ANKS1A: variants seen among roughly 807,000 people sequenced by gnomAD.
The protein encoded by ANKS1A is ankyrin repeat and SAM domain-containing protein 1A.
In ANKS1A, 55 loss-of-function variants were observed where a neutral mutation model predicts 120.3. The ratio of observed to expected loss-of-function variants is 0.46; its 90% CI spans 0.37 to 0.57. ANKS1A has a LOEUF of 0.57. Among genes scored for constraint, ANKS1A ranks in the 20% least tolerant of loss-of-function variants. The pLI is 0.00. For missense variants in ANKS1A, 1,123 were observed against 1,480.3 expected, an observed-to-expected ratio of 0.76 and a Z score of 3.96; for synonymous variants, 590 against 604.7, an observed-to-expected ratio of 0.98 and a Z score of 0.36.
intron 1 of ANKS1A, among the ~76,000 whole-genome samples, chr6:34,905,245 A>G (rs534657865): frequency 1.3e-5 from 2 of 152,322 alleles, no homozygotes; most frequent in Admixed American, 1.3e-4. Flanking sequence ...CATCATGCTC[A>G]CCACTCTTCC....
At chr6:35,053,153 C>T (rs1348956682) in intron 11 of ANKS1A, among the ~76,000 whole-genome samples, 1 of 152,346 alleles carries the variant, frequency 6.6e-6, no homozygotes, top group East Asian at 1.9e-4. Flanking sequence ...AAAAAGCATC[C>T]AAGCCCTGGT....
At chr6:35,097,653 A>C in the ANKS1A span, among the ~76,000 whole-genome samples, 2 of 143,950 alleles carry the variant, frequency 1.4e-5, no homozygotes, top group South Asian at 4.3e-4. Flanking sequence ...AAAAAAAAAA[A>C]AAAAACACAT....
At chr6:34,894,818 T>C (rs1766993158) in intron 1 of ANKS1A, among the ~76,000 whole-genome samples, 1 of 152,096 alleles carries the variant, frequency 6.6e-6, no homozygotes, top group Non-Finnish European at 1.5e-5. Flanking sequence ...AAGATCACAG[T>C]TGAGGAGATT....
At position 35,017,779 on chromosome 6, in the gene ANKS1A, G is replaced by A. The variant is rs1403842941; in HGVS notation, c.1730G>A (p.Ser577Asn). 1.9e-6 allele frequency: 3 copies of A among 1,614,136 alleles called. No homozygotes were observed. Residue 577 changes from serine (S) to asparagine (N), a missense_variant, in exon 11 of 24, where the codon AGC (serine) becomes AAC (asparagine). By Grantham distance (46) the Ser-to-Asn change is conservative. Transcript: ENST00000360359. The part of the protein sequence containing the change: ...GYLTGLPTTN[S>N]RSHPETLTHT... ...CTCACAGGCCTGCCCACCACCAACA[G>A]CCGCTCGCACCCTGAAACTTTGACT...
At chr6:35,011,515 A>C (rs1185313830) in intron 10 of ANKS1A, among the ~76,000 whole-genome samples, 1 of 152,180 alleles carries the variant, frequency 6.6e-6, no homozygotes. Context: ...TGAGGTAATC[A>C]AGACCAAGTC....
chr6:35,078,984 C>G lies in ANKS1A; in HGVS notation c.2283+328C>G, dbSNP rs571552261. On this transcript the variant is annotated intron_variant, in intron 14 of 23. Transcript: ENST00000360359. Reference sequence around the variant, plus strand: ...TCACCCAGAGCCCCCTTCATGGTCTCTCTGGCTCACTGGAGCCCTGGCCAG... The same window carrying G: ...TCACCCAGAGCCCCCTTCATGGTCTGTCTGGCTCACTGGAGCCCTGGCCAG... 1.2e-3 allele frequency among the ~76,000 whole-genome samples: 176 copies of G among 152,302 alleles called. 1 individual carries two copies. The highest frequency in any genetic ancestry group is 4.1e-3 in the African/African-American group (169 of 41,588).
chr6:35,090,451 C>G lies in ANKS1A; in HGVS notation c.*1842C>G. The G allele has an allele frequency of 8.5e-7, 1 of 1,172,638 alleles. No homozygotes were observed. The highest frequency in any genetic ancestry group is 1.1e-6 in the Non-Finnish European group (1 of 932,320). The allele number at this position is 1,172,638 out of a possible 1,614,324, so 72.6% of individuals were successfully genotyped here. ...ACCGCAGACACTACGATGCACTCCT[C>G]AAGCTGTCTTTTGTGCTTAGATCAT... On this transcript the variant is annotated 3_prime_UTR_variant, in exon 24 of 24. Coordinates refer to ENST00000360359, the MANE Select transcript of ANKS1A (RefSeq NM_015245.3).
In ANKS1A at chr6:34,889,991, C is replaced by A. The variant is rs891255656; in HGVS notation, c.197+392C>A. Among the ~76,000 whole-genome samples, 2 of 152,134 alleles carry A rather than the reference C, an allele frequency of 1.3e-5. No individual in the cohort carries two copies. The highest frequency in any genetic ancestry group is 4.8e-5 in the African/African-American group (2 of 41,420). ...TCTCCCTCACCTCCTGCAGAAACTCCTACGCCTTGTAGAATCTCGAGGCTC... is the reference window on the plus strand; with the variant it reads ...TCTCCCTCACCTCCTGCAGAAACTCATACGCCTTGTAGAATCTCGAGGCTC... On this transcript the variant is annotated intron_variant, in intron 1 of 23. Transcript: ENST00000360359. The surrounding 1 kb of genome is among the most constrained non-coding windows in gnomAD (Gnocchi z 5.5).
intron 11 of ANKS1A, among the ~76,000 whole-genome samples, chr6:35,051,037 C>T (rs1561939677): frequency 6.6e-6 from 1 of 152,222 alleles, no homozygotes; most frequent in Non-Finnish European, 1.5e-5. Context: ...TGGAACACCT[C>T]ACATGGATAC....
At chr6:34,928,702 A>G (rs555998030) in intron 1 of ANKS1A, among the ~76,000 whole-genome samples, 3 of 152,178 alleles carry the variant, frequency 2.0e-5, no homozygotes, top group Non-Finnish European at 4.4e-5. Context: ...CTGGAGTTGC[A>G]CATCTGGTTA....
At chr6:35,073,613 C>CT (rs1561957032) in intron 13 of ANKS1A, among the ~76,000 whole-genome samples, 1 of 152,220 alleles carries the variant, frequency 6.6e-6, no homozygotes, top group African/African-American at 2.4e-5. Context: ...AGTTGTGAAG[C>CT]TTTTATCAAA....
rs2127615185 is a variant in ANKS1A at position 35,085,608 on chromosome 6, AGG to A, written c.3133-157_3133-156del. Among the ~76,000 whole-genome samples, 1 of 66,668 alleles carries A rather than the reference AGG, an allele frequency of 1.5e-5. No homozygotes were observed. 43.7% of individuals were successfully genotyped at this position (66,668 alleles called of 152,430 possible). ...AGAGCGGGAAGAACAACAGAGACCT[AGG>A]AAGAGTAAAGGAGGGAAAGGAGGGA... On this transcript the variant is annotated intron_variant, in intron 21 of 23. Transcript: ENST00000360359. The surrounding 1 kb of genome is among the most constrained non-coding windows in gnomAD (Gnocchi z 4.7).
intron 10 of ANKS1A, among the ~76,000 whole-genome samples, chr6:35,003,773 T>C (rs1265492032): frequency 3.9e-5 from 6 of 151,932 alleles, no homozygotes; most frequent in African/African-American, 1.2e-4. Context: ...GTGGCGAAAA[T>C]AAGAGTGAGA....
At chr6:34,978,726 AC>A (rs1341873449) in intron 3 of ANKS1A, among the ~76,000 whole-genome samples, 1 of 145,784 alleles carries the variant, frequency 6.9e-6, no homozygotes, top group Non-Finnish European at 1.5e-5. Flanking sequence ...AATCGCTTGA[AC>A]CTGGGAGGCG....
intron 11 of ANKS1A, among the ~76,000 whole-genome samples, chr6:35,019,395 A>G (rs931787418): frequency 2.0e-5 from 3 of 152,186 alleles, no homozygotes; most frequent in Non-Finnish European, 4.4e-5. Flanking sequence ...TGTAAACCAA[A>G]GCCAATCCAT....
intron 1 of ANKS1A, among the ~76,000 whole-genome samples, chr6:34,896,415 G>A (rs769980367): frequency 9.2e-5 from 14 of 152,032 alleles, no homozygotes; most frequent in Admixed American, 6.6e-5. Context: ...ATTTTGTTGG[G>A]AGGGCAGCCC....
intron 1 of ANKS1A, among the ~76,000 whole-genome samples, chr6:34,942,966 T>C (rs1769608025): frequency 6.6e-6 from 1 of 151,480 alleles, no homozygotes; most frequent in Admixed American, 6.6e-5. Flanking sequence ...CCTTTCCTTT[T>C]CCTTTTCCTT....
At chr6:34,973,477 C>T (rs1337291992) in intron 3 of ANKS1A, among the ~76,000 whole-genome samples, 2 of 152,134 alleles carry the variant, frequency 1.3e-5, no homozygotes, top group African/African-American at 4.8e-5. Flanking sequence ...TTCCTTGGTG[C>T]TCTCACCCGC....
intron 1 of ANKS1A, among the ~76,000 whole-genome samples, chr6:34,928,032 C>T (rs540512464): frequency 8.5e-5 from 13 of 152,300 alleles, no homozygotes; most frequent in East Asian, 3.9e-4. Flanking sequence ...ACCCCACATG[C>T]GGTACTGGCT....
Sources: allele counts gnomAD v4.1 joint callset (sites outside exome capture counted in the v4.1 genomes callset), GRCh38; gene constraint gnomAD v4.1.1; non-coding constraint Gnocchi (gnomAD v3.1); transcripts MANE v1.5; gene names NCBI Gene and HGNC (gene_info 2026-07-23, HGNC 2026-07-21).